Variants in PROCR observed in about 807,000 individuals in gnomAD.
PROCR encodes endothelial protein C receptor.
PROCR carries 22 observed loss-of-function variants against 24.2 expected under a neutral mutation model. That is an observed-to-expected ratio of 0.91 (90% CI 0.65 to 1.30). The LOEUF is 1.30. PROCR is among the 50% of genes most tolerant of loss of function. The pLI is 0.00. For synonymous variants in PROCR, 137 were observed against 139.2 expected, an observed-to-expected ratio of 0.98 and a Z score of 0.11; for missense variants, 288 against 307.7, an observed-to-expected ratio of 0.94 and a Z score of 0.48.
chr20:35,178,514 T>TTTTTTTG (rs1568592409), downstream of PROCR, among the ~76,000 whole-genome samples: 14 of 47,298 alleles, frequency 3.0e-4, 2 homozygotes, highest in African/African-American at 2.5e-3. Context: ...TCAGTTTTTT[T>TTTTTTTG]TTTTTTTTTT....
chr20:35,213,619 T>G (rs2060370283), intron 1 of PROCR, among the ~76,000 whole-genome samples: 1 of 152,174 alleles, frequency 6.6e-6, no homozygotes, highest in African/African-American at 2.4e-5. Context: ...GGAGTGGCCT[T>G]TAGAGACTAT....
chr20:35,202,791 C>T (rs534283210), intron 1 of PROCR: 1 of 152,136 alleles, frequency 6.6e-6, no homozygotes, highest in African/African-American at 2.4e-5. Context: ...AACTGATAAA[C>T]AAATAGATGG....
chr20:35,174,992 C>T (rs1469429392), intron 2 of PROCR, 39 bp downstream of exon 2: 2 of 202,934 alleles, frequency 9.9e-6, no homozygotes, highest in East Asian at 1.5e-4. Context: ...CTGGGCGGGG[C>T]TAGTGGGGGC....
chr20:35,203,635 GA>G (rs958562914), intron 1 of PROCR, among the ~76,000 whole-genome samples: 1 of 150,260 alleles, frequency 6.7e-6, no homozygotes, highest in African/African-American at 2.4e-5. Flanking sequence ...AGAAAAAAAA[GA>G]AAAAAAAGAG....
chr20:35,202,509 C>T (rs962701976), intron 1 of PROCR: 2 of 150,498 alleles, frequency 1.3e-5, no homozygotes, highest in Middle Eastern at 3.2e-3. Context: ...AAACAAGACC[C>T]GACTATATGC....
intron 1 of PROCR, among the ~76,000 whole-genome samples, chr20:35,205,478 G>A (rs942344045): frequency 2.7e-5 from 4 of 148,518 alleles, no homozygotes; most frequent in South Asian, 2.1e-4. Context: ...TTGGCCGGGC[G>A]CAGTGGCTCA....
rs6142309 is a variant in PROCR, at chr20:35,172,199, C to T, written c.45C>T (p.Ala15=). The T allele has an allele frequency of 6.2e-7, 1 of 1,614,198 alleles. No homozygotes were observed. The highest frequency in any genetic ancestry group is 1.1e-5 in the South Asian group (1 of 91,086). Residue 15 remains alanine, a synonymous_variant, in exon 1 of 4, where the codon GCC becomes GCT. Transcript: ENST00000216968. The stretch of plus-strand genomic sequence containing the variant: ...CGATACTGCTGCTGTCTGGCTGGGC[C>T]TTTTGTAGCCAAGACGCCTCAGATG... ...LLPILLLSGW[A]FCSQDASDGL...
chr20:35,205,849 GTATACA>G (rs1391321068), intron 1 of PROCR, among the ~76,000 whole-genome samples: 4 of 127,320 alleles, frequency 3.1e-5, no homozygotes, highest in Non-Finnish European at 6.5e-5. Flanking sequence ...ATATATACAT[GTATACA>G]TATACATATG....
intron 1 of PROCR, among the ~76,000 whole-genome samples, chr20:35,206,034 T>G (rs1329850594): frequency 6.6e-6 from 1 of 150,514 alleles, no homozygotes; most frequent in Non-Finnish European, 1.5e-5. Flanking sequence ...TTTAAAAAAT[T>G]TTATTTTATT....
downstream of PROCR, among the ~76,000 whole-genome samples, chr20:35,177,740 T>G (rs2086035356): frequency 6.6e-6 from 1 of 152,096 alleles, no homozygotes; most frequent in Non-Finnish European, 1.5e-5. Context: ...TTCTCACTCA[T>G]TCTTAGACCC....
At chr20:35,208,929 A>G (rs1374344750) in intron 1 of PROCR, among the ~76,000 whole-genome samples, 1 of 152,152 alleles carries the variant, frequency 6.6e-6, no homozygotes, top group Non-Finnish European at 1.5e-5. Context: ...CCGAGATCAC[A>G]CCACTGCACT....
At chr20:35,172,370 G>A (rs1166978991) in intron 1 of PROCR, 146 bp downstream of exon 1, 1 of 1,058,286 alleles carries the variant, frequency 9.4e-7, no homozygotes, top group African/African-American at 1.6e-5. Flanking sequence ...GCAGAGTCTT[G>A]GGGACTGGTT....
In PROCR at chr20:35,205,786, T is replaced by TGTACATATATAC. The variant is rs1568600703; in HGVS notation, c.95-10107_95-10106insGTACATATATAC. On this transcript the variant is annotated intron_variant, in intron 1 of 1. Coordinates refer to the PROCR transcript ENST00000634509. ...ATATATATATATATATATATATATA[T>TGTACATATATAC]ATGTATATATACACACATATATATG... Among the ~76,000 whole-genome samples the TGTACATATATAC allele has an allele frequency of 7.1e-4, 96 of 134,754 alleles. 1 individual carries two copies. Among genetic ancestry groups the TGTACATATATAC allele is most frequent in the African/African-American group, 2.7e-3 (93 of 34,098 alleles). 88.4% of individuals were successfully genotyped at this position (134,754 alleles called of 152,430 possible).
At chr20:35,180,119 G>T (rs1482863443), downstream of PROCR, among the ~76,000 whole-genome samples, 1 of 152,084 alleles carries the variant, frequency 6.6e-6, no homozygotes, top group East Asian at 1.9e-4. Flanking sequence ...GGTGATGCAC[G>T]CTTGTAATCC....
At chr20:35,192,866 A>T (rs2086185698) in intron 1 of PROCR, among the ~76,000 whole-genome samples, 1 of 152,164 alleles carries the variant, frequency 6.6e-6, no homozygotes, top group Non-Finnish European at 1.5e-5. Flanking sequence ...ATCCCCAACT[A>T]AAAAGTACCC....
In PROCR at chr20:35,197,311, T is replaced by C. The variant is rs138714892; in HGVS notation, c.95-18582T>C. Among the ~76,000 whole-genome samples the C allele has an allele frequency of 8.2e-3, 1,256 of 152,262 alleles. 9 individuals are homozygous for C. Among genetic ancestry groups the C allele is most frequent in the African/African-American group, 0.029 (1,199 of 41,546 alleles). On this transcript the variant is annotated intron_variant, in intron 1 of 1. Coordinates refer to the PROCR transcript ENST00000634509. Reference sequence around the variant, plus strand: ...TGTGGTGATCTGTGATCAGTGATCTTGGATGTTACTATTGTAATTGTTTTG... The same window carrying C: ...TGTGGTGATCTGTGATCAGTGATCTCGGATGTTACTATTGTAATTGTTTTG...
At chr20:35,176,477 C>T (rs1409685610) in intron 3 of PROCR, 31 bp downstream of exon 3, 1 of 1,610,626 alleles carries the variant, frequency 6.2e-7, no homozygotes, top group African/African-American at 1.3e-5. Context: ...GGCCTGCAAG[C>T]TGGGGAGAGG....
intron 1 of PROCR, among the ~76,000 whole-genome samples, chr20:35,195,677 C>T (rs1399094077): frequency 1.3e-5 from 2 of 151,540 alleles, no homozygotes; most frequent in African/African-American, 2.4e-5. Context: ...AAAAATTAGC[C>T]AGGTGTGGTG....
Position 35,176,720 on chromosome 20 carries a change from C to T in PROCR, c.624C>T (p.Tyr208=). The change falls in exon 4 of 4, where the codon TAC becomes TAT. Residue 208 remains tyrosine, a synonymous_variant. Transcript: ENST00000216968. ...CAGGGAGCCAAACAAGCCGCTCCTA[C>T]ACTTCGCTGGTCCTGGGCGTCCTGG... ...NTKGSQTSRS[Y]TSLVLGVLVG... The T allele has an allele frequency of 1.2e-6, 2 of 1,612,784 alleles. No individual in the cohort carries two copies. The highest frequency in any genetic ancestry group is 1.7e-6 in the Non-Finnish European group (2 of 1,179,476).
Sources: gnomAD v4.1 joint callset for allele counts (sites outside exome capture counted in the v4.1 genomes callset) on GRCh38, gnomAD v4.1.1 for gene constraint, MANE v1.5 for transcripts, NCBI Gene and HGNC (gene_info 2026-07-23, HGNC 2026-07-21) for gene names.